The following ATP6V0A2 variants were observed in gnomAD, a reference collection of about 807,000 sequenced individuals.
ATP6V0A2 encodes the protein ATPase H+ transporting V0 subunit a2.
In ATP6V0A2, 58 loss-of-function variants were observed where a neutral mutation model predicts 104.4. That is an observed-to-expected ratio of 0.56 (90% CI 0.45 to 0.69). The LOEUF (loss-of-function observed/expected upper bound fraction) is 0.69, where lower values mean the gene tolerates loss of function less well. Among genes scored for constraint, ATP6V0A2 ranks in the 30% least tolerant of loss-of-function variants. The pLI, the probability that ATP6V0A2 is intolerant of heterozygous loss-of-function variation, is 0.00. For synonymous variants in ATP6V0A2, 376 were observed against 397.9 expected, an observed-to-expected ratio of 0.95 and a Z score of 0.65; for missense variants, 938 against 1,062.9, an observed-to-expected ratio of 0.88 and a Z score of 1.63.
chr12:123,728,685 A>G (rs1308136523), intron 6 of ATP6V0A2, among the ~76,000 whole-genome samples: 1 of 152,234 alleles, frequency 6.6e-6, no homozygotes, highest in Non-Finnish European at 1.5e-5. Flanking sequence ...GAGTTGACTC[A>G]GGTCACGTGT....
rs1268108674 is a variant in ATP6V0A2 at position 123,741,555 on chromosome 12, C to T, written c.1039-2230C>T. The stretch of plus-strand genomic sequence containing the variant: ...GGTTCAAGCAATCCTCCCGTCTCGT[C>T]TCAGCCTCCTGAGTAGCTGGAACTA... On this transcript the variant is annotated intron_variant, in intron 9 of 19. Transcript: ENST00000330342. 5.9e-5 allele frequency among the ~76,000 whole-genome samples: 9 copies of T among 152,212 alleles called. 1 individual carries two copies. The highest frequency in any genetic ancestry group is 5.2e-4 in the Admixed American group (8 of 15,278).
intron 9 of ATP6V0A2, among the ~76,000 whole-genome samples, chr12:123,738,734 T>C (rs1956580552): frequency 6.6e-6 from 1 of 152,248 alleles, no homozygotes; most frequent in Non-Finnish European, 1.5e-5. Flanking sequence ...TGTGAGGTTT[T>C]TCTTCTACAT....
In ATP6V0A2 at chr12:123,737,926, CCA is replaced by C. The variant is rs566050197; in HGVS notation, c.1038+656_1038+657del. Among the ~76,000 whole-genome samples, 127 of 152,200 alleles carry C rather than the reference CCA, an allele frequency of 8.3e-4. 1 individual carries two copies. The Middle Eastern group carries it at 0.027, about 33-fold the overall frequency. ...TATTTAATATTCTGTTGTGTGCATA[CCA>C]TGGTTTATTTAACTAGTTTTCTGGT... On this transcript the variant is annotated intron_variant, in intron 9 of 19. Transcript: ENST00000330342.
At chr12:123,753,051 C>T (rs1318182365) in intron 17 of ATP6V0A2, among the ~76,000 whole-genome samples, 1 of 152,060 alleles carries the variant, frequency 6.6e-6, no homozygotes, top group East Asian at 1.9e-4. Flanking sequence ...TGCCTCAGTC[C>T]CCTTTACGAG....
chr12:123,729,714 T>G (rs1458261205), intron 6 of ATP6V0A2, among the ~76,000 whole-genome samples: 1 of 152,346 alleles, frequency 6.6e-6, no homozygotes, highest in South Asian at 2.1e-4. Context: ...GAAAGGTTGT[T>G]TTTTTTCTAG....
In ATP6V0A2 at chr12:123,759,890, T is replaced by C. The variant is rs1956793836; in HGVS notation, c.*1858T>C. On this transcript the variant is annotated 3_prime_UTR_variant, in exon 20 of 20. Transcript: ENST00000330342. ...ATATTAAATTATCAAATGATGCCGATGAAATGCTTGAAAATGATTCTGCTC... is the reference window on the plus strand; with the variant it reads ...ATATTAAATTATCAAATGATGCCGACGAAATGCTTGAAAATGATTCTGCTC... The C allele has an allele frequency of 6.6e-6, 1 of 152,226 alleles. No homozygotes were observed. The highest frequency in any genetic ancestry group is 1.5e-5 in the Non-Finnish European group (1 of 68,046). 9.4% of individuals were successfully genotyped at this position (152,226 alleles called of 1,614,324 possible).
chr12:123,748,626 C>G lies in ATP6V0A2; in HGVS notation c.1776C>G (p.Leu592=), dbSNP rs1956685439. 2.5e-6 allele frequency: 4 copies of G among 1,614,082 alleles called. No individual in the cohort carries two copies. The highest frequency in any genetic ancestry group is 3.4e-6 in the Non-Finnish European group (4 of 1,180,020). The change falls in exon 15 of 20, where the codon CTC becomes CTG. Residue 592 remains leucine (L), a synonymous_variant. Coordinates refer to ENST00000330342, the MANE Select transcript of ATP6V0A2 (RefSeq NM_012463.4). The stretch of plus-strand genomic sequence containing the variant: ...ACCTGGTTTCCATCCCGGAACTTCT[C>G]TTCATGCTCTGTATCTTTGGATACC... ...NIYLVSIPEL[L]FMLCIFGYLI...
intron 2 of ATP6V0A2, among the ~76,000 whole-genome samples, chr12:123,722,058 GA>G (rs531935255): frequency 1.3e-5 from 2 of 152,318 alleles, no homozygotes; most frequent in South Asian, 4.1e-4. Flanking sequence ...TGGAATTTCA[GA>G]AAAGGTTTAT....
chr12:123,743,656 A>AC (rs1956630470), intron 9 of ATP6V0A2, 129 bp from the exon 10 acceptor site: 1 of 1,144,902 alleles, frequency 8.7e-7, no homozygotes, highest in Non-Finnish European at 1.3e-6. Flanking sequence ...TCCGTCTCAA[A>AC]AAAAAACAAA....
At chr12:123,712,716 G>C (rs770569736) in intron 1 of ATP6V0A2, 34 bp downstream of exon 1, 7 of 1,554,994 alleles carry the variant, frequency 4.5e-6, no homozygotes, top group Non-Finnish European at 5.3e-6. Context: ...GGCCGCACCT[G>C]CTCTCCTGGC....
Position 123,754,535 on chromosome 12 carries a change from C to T in ATP6V0A2, c.2291C>T (p.Ala764Val). The part of the protein sequence containing the change: ...LRLWALSLAH[A>V]QLSDVLWAML... ...CTCTGGGCGCTTAGCCTGGCTCACG[C>T]ACGTAAGTTCCTGCTTAGACCTGCA... The change falls in exon 18 of 20, where the codon GCA (alanine) becomes GTA (valine). Residue 764 changes from alanine (A) to valine (V), a missense_variant and splice_region_variant. Ala to Val is a moderately conservative substitution (Grantham distance 64). Coordinates refer to ENST00000330342, the MANE Select transcript of ATP6V0A2 (RefSeq NM_012463.4). 6.2e-7 allele frequency: 1 copy of T among 1,611,972 alleles called. No homozygotes were observed.
intron 1 of ATP6V0A2, 141 bp downstream of exon 1, chr12:123,712,823 A>G: frequency 1.2e-6 from 1 of 806,056 alleles, no homozygotes; most frequent in Non-Finnish European, 2.0e-6. Context: ...ATGACACCCC[A>G]GCTCAGCGGC....
Position 123,727,921 on chromosome 12 carries a change from T to G in ATP6V0A2, c.648+12T>G. 6.2e-7 allele frequency: 1 copy of G among 1,614,204 alleles called. No individual in the cohort carries two copies. Among genetic ancestry groups the G allele is most frequent in the South Asian group, 1.1e-5 (1 of 91,082 alleles). ...AAGACCCTGAAACAGTGAGTAAATG[T>G]CACCATCACCTTTTAGCAATGACGG... On this transcript the variant is annotated intron_variant, in intron 6 of 19. Coordinates refer to ENST00000330342, the MANE Select transcript of ATP6V0A2 (RefSeq NM_012463.4).
Position 123,737,066 on chromosome 12 carries a change from A to G in ATP6V0A2, c.833A>G (p.His278Arg). 1 of 1,614,232 alleles carries G rather than the reference A, an allele frequency of 6.2e-7. No individual in the cohort carries two copies. The highest frequency in any genetic ancestry group is 8.5e-7 in the Non-Finnish European group (1 of 1,180,030). ...CCTGTTGTTCTTCCCCAGGTACTGCACAAAACCGAGGACTATTTGAGGCAA... is the reference window on the plus strand; with the variant it reads ...CCTGTTGTTCTTCCCCAGGTACTGCGCAAAACCGAGGACTATTTGAGGCAA... ...TRIQDLYTVL[H>R]KTEDYLRQVL... Residue 278 changes from histidine (H) to arginine (R), a missense_variant, in exon 9 of 20, where the codon CAC (histidine) becomes CGC (arginine). By Grantham distance (29) the His-to-Arg change is conservative (BLOSUM62 0). Coordinates refer to ENST00000330342, the MANE Select transcript of ATP6V0A2 (RefSeq NM_012463.4).
chr12:123,723,247 G>T (rs143626945), intron 3 of ATP6V0A2: 1 of 152,094 alleles, frequency 6.6e-6, no homozygotes, highest in African/African-American at 2.4e-5. Flanking sequence ...TCGATGGGTC[G>T]CTTGTGATGT....
In ATP6V0A2 at chr12:123,744,123, A is replaced by G. The variant is rs973651914; in HGVS notation, c.1190-78A>G. On this transcript the variant is annotated intron_variant, in intron 10 of 19. Coordinates refer to ENST00000330342, the MANE Select transcript of ATP6V0A2 (RefSeq NM_012463.4). This position sits in a 1 kb window ranked among gnomAD's most constrained non-coding sequence, Gnocchi z 5.4. ...AATTCTGGAGAAAGTCAAGATTGTT[A>G]TGTATCATTGTGTTTGAATGAACTC... is the stretch of plus-strand genomic sequence containing the variant. The G allele has an allele frequency of 2.5e-5, 39 of 1,580,620 alleles. No individual in the cohort carries two copies. The Admixed American group carries it at 5.7e-4, about 23-fold the overall frequency.
intron 9 of ATP6V0A2, 102 bp from the exon 10 acceptor site, chr12:123,743,682 CA>C: frequency 3.2e-5 from 44 of 1,362,172 alleles, no homozygotes; most frequent in Admixed American, 5.4e-5. Flanking sequence ...ACAACACCAC[CA>C]AAAAAAACCA....
chr12:123,729,475 G>A (rs1956480388), intron 6 of ATP6V0A2, among the ~76,000 whole-genome samples: 1 of 151,872 alleles, frequency 6.6e-6, no homozygotes, highest in Admixed American at 6.6e-5. Context: ...TTACAGCTGT[G>A]GGCCAGTTAC....
intron 1 of ATP6V0A2, among the ~76,000 whole-genome samples, chr12:123,713,937 C>T (rs1215606888): frequency 1.3e-5 from 2 of 152,126 alleles, no homozygotes; most frequent in African/African-American, 4.8e-5. Context: ...GGAGAGACTC[C>T]TGAGTGACAG....
Sources: allele counts gnomAD v4.1 joint callset (sites outside exome capture counted in the v4.1 genomes callset), GRCh38; gene constraint gnomAD v4.1.1; non-coding constraint Gnocchi (gnomAD v3.1); transcripts MANE v1.5; gene names NCBI Gene and HGNC (gene_info 2026-07-23, HGNC 2026-07-21).